The following MID1 variants were observed in gnomAD, a reference collection of about 807,000 sequenced individuals.
MID1 encodes midline 1.
In MID1, 7 loss-of-function variants were observed where a neutral mutation model predicts 40.4. The observed-to-expected ratio is 0.17, with a 90% CI of 0.10 to 0.33. The LOEUF is 0.33. Among genes scored for constraint, MID1 ranks in the 10% least tolerant of loss-of-function variants. The pLI, the probability that MID1 is intolerant of heterozygous loss-of-function variation, is 1.00. For missense variants in MID1, 367 were observed against 558.5 expected (o/e 0.66, Z 3.46); for synonymous variants, 229 against 221.2 (o/e 1.04, Z -0.31).
chrX:10,731,073 C>A (rs1334758851), intron 1 of MID1, among the ~76,000 whole-genome samples: 1 of 111,658 alleles, frequency 9.0e-6, no homozygotes, highest in Non-Finnish European at 1.9e-5. Flanking sequence ...GAGTTTAAAT[C>A]TTGAAAATAT....
intron 1 of MID1, among the ~76,000 whole-genome samples, chrX:10,645,397 G>T (rs947275116): frequency 1.5e-4 from 17 of 111,896 alleles, no homozygotes; most frequent in Non-Finnish European, 2.8e-4. Flanking sequence ...TCACAGCTCA[G>T]TTTTGTCTTA....
intron 1 of MID1, among the ~76,000 whole-genome samples, chrX:10,733,179 T>C (rs772864993): frequency 1.8e-5 from 2 of 111,791 alleles, no homozygotes; most frequent in East Asian, 5.6e-4. Flanking sequence ...TGATTTTCAA[T>C]AAAGAGGCCA....
intron 1 of MID1, among the ~76,000 whole-genome samples, chrX:10,703,861 G>C (rs903937916): frequency 9.0e-6 from 1 of 111,696 alleles, no homozygotes; most frequent in African/African-American, 3.2e-5. Context: ...CCAAATAGTG[G>C]ATGAAAAAGT....
intron 2 of MID1, among the ~76,000 whole-genome samples, chrX:10,556,160 T>C (rs1934113694): frequency 9.0e-6 from 1 of 111,498 alleles, no homozygotes; most frequent in Non-Finnish European, 1.9e-5. Flanking sequence ...CTGTGTATCA[T>C]GTCACCCATC....
chrX:10,469,343 T>C, intron 7 of MID1: 16 of 959,814 alleles, frequency 1.7e-5, no homozygotes, highest in Non-Finnish European at 2.1e-5. Flanking sequence ...AAATAGTTTA[T>C]TTTGATCTTT....
chrX:10,624,301 G>C (rs900901863), upstream of MID1, among the ~76,000 whole-genome samples: 3 of 111,927 alleles, frequency 2.7e-5, no homozygotes, highest in Non-Finnish European at 5.6e-5. Flanking sequence ...GCTATTGCTT[G>C]TTGTGTAAAT....
intron 1 of MID1, among the ~76,000 whole-genome samples, chrX:10,666,692 G>A (rs1022838813): frequency 1.8e-5 from 2 of 111,762 alleles, no homozygotes; most frequent in Non-Finnish European, 3.8e-5. Context: ...AAACCACAAA[G>A]ATCAAAGAGG....
chrX:10,698,743 A>C (rs189150138), intron 1 of MID1, among the ~76,000 whole-genome samples: 191 of 110,205 alleles, frequency 1.7e-3, no homozygotes, highest in Admixed American at 5.8e-3. Flanking sequence ...AAAAAAAAAA[A>C]AAAACACCGC....
intron 1 of MID1, among the ~76,000 whole-genome samples, chrX:10,757,638 T>A (rs1226880752): frequency 8.9e-6 from 1 of 112,345 alleles, no homozygotes; most frequent in Non-Finnish European, 1.9e-5. Context: ...AAAGAACTTT[T>A]TCATTATTGA....
At chrX:10,534,127 T>C (rs1314471009) in intron 2 of MID1, among the ~76,000 whole-genome samples, 1 of 111,238 alleles carries the variant, frequency 9.0e-6, no homozygotes, top group Non-Finnish European at 1.9e-5. Context: ...GTTGTCTGTA[T>C]AGGCCCCTTC....
chrX:10,818,060 G>T (rs2044151907), intron 1 of MID1, among the ~76,000 whole-genome samples: 1 of 112,037 alleles, frequency 8.9e-6, no homozygotes, highest in African/African-American at 3.2e-5. Context: ...GTTGATTAGG[G>T]TTTTTGCTCT....
intron 1 of MID1, among the ~76,000 whole-genome samples, chrX:10,746,111 G>A (rs183508805): frequency 5.2e-4 from 58 of 112,097 alleles, no homozygotes; most frequent in African/African-American, 1.7e-3. Context: ...GGGTAGAGAA[G>A]AGGCGGCATT....
At chrX:10,696,922 C>T (rs993207624) in intron 1 of MID1, among the ~76,000 whole-genome samples, 1 of 111,991 alleles carries the variant, frequency 8.9e-6, no homozygotes, top group Non-Finnish European at 1.9e-5. Context: ...TTGTTTGGAA[C>T]AAACAGGAGG....
At chrX:10,462,331 GTGACTTGGAGTGCACCATTACCGGTGTT>G (rs1929094510) in intron 7 of MID1, among the ~76,000 whole-genome samples, 2 of 111,830 alleles carry the variant, frequency 1.8e-5, no homozygotes, top group African/African-American at 6.5e-5. Context: ...AGTAAGTGGG[GTGACTTGGAGTGCACCATTACCGGTGTT>G]GGTCTTACGC....
intron 1 of MID1, among the ~76,000 whole-genome samples, chrX:10,606,255 A>G (rs1321419380): frequency 9.0e-6 from 1 of 111,178 alleles, no homozygotes; most frequent in East Asian, 2.8e-4. Context: ...TCAAAAAATA[A>G]CTATTTTCAC....
At chrX:10,763,794 T>C (rs186542403) in intron 1 of MID1, among the ~76,000 whole-genome samples, 6,651 of 111,483 alleles carry the variant, frequency 0.06, 513 homozygotes, top group African/African-American at 0.21. Flanking sequence ...AGTGTAAAAG[T>C]GTTCCTATTT....
At chrX:10,641,427 G>C (rs1192403424) in intron 1 of MID1, among the ~76,000 whole-genome samples, 1 of 111,727 alleles carries the variant, frequency 9.0e-6, no homozygotes, top group African/African-American at 3.3e-5. Flanking sequence ...TAGAAGAAAT[G>C]GACAAATTCC....
chrX:10,584,041 A>G (rs1231191439), intron 1 of MID1, among the ~76,000 whole-genome samples: 3 of 110,106 alleles, frequency 2.7e-5, no homozygotes, highest in South Asian at 4.0e-4. Context: ...AAAAAAAAAA[A>G]AAGAAGAACA....
intron 1 of MID1, among the ~76,000 whole-genome samples, chrX:10,674,671 T>A (rs1190071381): frequency 1.8e-5 from 2 of 112,197 alleles, no homozygotes; most frequent in Non-Finnish European, 3.8e-5. Flanking sequence ...GAATAGTGAA[T>A]AATGTTGATC....
Sources: allele counts gnomAD v4.1 joint callset (sites outside exome capture counted in the v4.1 genomes callset), GRCh38; gene constraint gnomAD v4.1.1; transcripts MANE v1.5; gene names NCBI Gene and HGNC (gene_info 2026-07-23, HGNC 2026-07-21).